The following ANAPC10 variants were observed in gnomAD, a reference collection of about 807,000 sequenced individuals.
ANAPC10 encodes anaphase promoting complex subunit 10, also known as anaphase-promoting complex subunit 10.
A neutral mutation model predicts 22.0 loss-of-function variants in ANAPC10; 12 were observed. The observed-to-expected ratio is 0.55, with a 90% CI of 0.35 to 0.88. The LOEUF is 0.88. ANAPC10 is among the 40% of genes least tolerant of loss of function. The pLI is 0.01. For missense variants in ANAPC10, 188 were observed against 220.9 expected, an observed-to-expected ratio of 0.85 and a Z score of 0.94; for synonymous variants, 65 against 69.5, an observed-to-expected ratio of 0.94 and a Z score of 0.32.
chr4:145,063,488 C>T (rs1305083038), intron 4 of ANAPC10, among the ~76,000 whole-genome samples: 1 of 152,048 alleles, frequency 6.6e-6, no homozygotes, highest in African/African-American at 2.4e-5. Flanking sequence ...TTTAGAGACA[C>T]GGTCTTAATA....
chr4:145,024,042 C>T lies in ANAPC10; in HGVS notation c.328-28439G>A, dbSNP rs139929071. On this transcript the variant is annotated intron_variant, in intron 4 of 4. Transcript: ENST00000507656. The stretch of plus-strand genomic sequence containing the variant: ...TGACAATGTGTTCACAGCATCTTTA[C>T]CAGGAGTAGATTCAACCTCAAGAAA... Among the ~76,000 whole-genome samples the T allele has an allele frequency of 2.3e-4, 35 of 152,296 alleles. No individual in the cohort carries two copies. In the East Asian group the frequency reaches 6.6e-3, roughly 29 times the overall value.
In ANAPC10 at chr4:145,072,442, C is replaced by T. The variant is rs141966160; in HGVS notation, c.207-7750G>A. On this transcript the variant is annotated intron_variant, in intron 3 of 4. Transcript: ENST00000507656. Reference sequence around the variant, plus strand: ...ATGTGAAGAAAAAACATCTAAGGAACCAAATAGTTTAACAAAATATAAACT... The same window carrying T: ...ATGTGAAGAAAAAACATCTAAGGAATCAAATAGTTTAACAAAATATAAACT... Among the ~76,000 whole-genome samples, 4 of 152,198 alleles carry T rather than the reference C, an allele frequency of 2.6e-5. No individual in the cohort carries two copies. In the East Asian group the frequency reaches 7.7e-4, roughly 29 times the overall value.
intron 4 of ANAPC10, among the ~76,000 whole-genome samples, chr4:145,060,595 T>G (rs1742740344): frequency 6.6e-6 from 1 of 151,902 alleles, no homozygotes. Context: ...AAGGAAAATC[T>G]ATTAAAACAT....
At chr4:145,081,593 G>T in intron 3 of ANAPC10, 67 bp downstream of exon 3, 2 of 993,044 alleles carry the variant, frequency 2.0e-6, no homozygotes, top group Non-Finnish European at 3.0e-6. Context: ...TAATTTTTAT[G>T]TTAATAAAAT....
intron 4 of ANAPC10, among the ~76,000 whole-genome samples, chr4:145,036,678 T>C (rs1483439535): frequency 1.3e-5 from 2 of 152,194 alleles, no homozygotes; most frequent in African/African-American, 2.4e-5. Flanking sequence ...ATACATGTTT[T>C]ACTGTAGTAA....
At chr4:145,074,245 T>C (rs1011574459) in intron 3 of ANAPC10, among the ~76,000 whole-genome samples, 3 of 151,866 alleles carry the variant, frequency 2.0e-5, no homozygotes, top group Non-Finnish European at 4.4e-5. Context: ...CTTATTATAT[T>C]TTTTCCTTCC....
At chr4:144,997,500 G>A (rs973032929) in intron 4 of ANAPC10, among the ~76,000 whole-genome samples, 2 of 152,170 alleles carry the variant, frequency 1.3e-5, no homozygotes, top group Non-Finnish European at 2.9e-5. Flanking sequence ...CTTCATAAGT[G>A]AAGGAGAAAT....
chr4:145,093,875 C>T (rs1748085881), intron 2 of ANAPC10, among the ~76,000 whole-genome samples: 1 of 152,060 alleles, frequency 6.6e-6, no homozygotes, highest in Non-Finnish European at 1.5e-5. Context: ...TAATTGGATT[C>T]CCAGATTCTT....
At chr4:145,025,188 G>A (rs551672295) in intron 4 of ANAPC10, among the ~76,000 whole-genome samples, 15 of 152,224 alleles carry the variant, frequency 9.9e-5, no homozygotes, top group African/African-American at 3.6e-4. Context: ...TTTCTATCCA[G>A]AACATTCTTT....
rs189790832 is a variant in ANAPC10, at chr4:144,998,822, A to C, written c.328-3219T>G. On this transcript the variant is annotated intron_variant, in intron 4 of 4. Coordinates refer to ENST00000507656, the MANE Select transcript of ANAPC10 (RefSeq NM_001256706.2). ...AAAAACCTTCAAAAAATCAATGAAT[A>C]CAGGAGCTGGTTTTTTGAAAATATC... Among the ~76,000 whole-genome samples the C allele has an allele frequency of 5.3e-5, 8 of 152,216 alleles. No individual in the cohort carries two copies. The East Asian group carries it at 5.8e-4, about 11-fold the overall frequency.
At chr4:145,013,242 A>C (rs1309345586) in intron 4 of ANAPC10, among the ~76,000 whole-genome samples, 3 of 152,194 alleles carry the variant, frequency 2.0e-5, no homozygotes, top group Non-Finnish European at 2.9e-5. Flanking sequence ...ATAGTATAAG[A>C]AAGAACCTTT....
At chr4:145,079,742 C>A (rs1745690557) in intron 3 of ANAPC10, among the ~76,000 whole-genome samples, 1 of 152,112 alleles carries the variant, frequency 6.6e-6, no homozygotes, top group African/African-American at 2.4e-5. Flanking sequence ...ATGGATGCAG[C>A]TGGAGGCCGG....
intron 3 of ANAPC10, among the ~76,000 whole-genome samples, chr4:145,074,075 G>A (rs7686437): frequency 0.017 from 2,539 of 151,402 alleles, 83 homozygotes; most frequent in African/African-American, 0.057. Context: ...AATTATTAAC[G>A]AATTTTGAAA....
intron 4 of ANAPC10, among the ~76,000 whole-genome samples, chr4:145,005,901 C>G (rs1733267859): frequency 6.6e-6 from 1 of 151,642 alleles, no homozygotes; most frequent in Non-Finnish European, 1.5e-5. Context: ...TAGTATGTGC[C>G]ACATGTAGAT....
At chr4:145,056,009 G>A (rs1021832296) in intron 4 of ANAPC10, among the ~76,000 whole-genome samples, 1 of 152,096 alleles carries the variant, frequency 6.6e-6, no homozygotes, top group African/African-American at 2.4e-5. Context: ...CACAAGCATG[G>A]GTCAATGGCA....
intron 3 of ANAPC10, among the ~76,000 whole-genome samples, chr4:145,080,269 A>T (rs1245579284): frequency 6.6e-6 from 1 of 152,210 alleles, no homozygotes; most frequent in East Asian, 1.9e-4. Context: ...CTGGATGACG[A>T]AATTTGTACA....
chr4:145,017,106 C>A (rs1333747587), intron 4 of ANAPC10, among the ~76,000 whole-genome samples: 4 of 152,070 alleles, frequency 2.6e-5, no homozygotes, highest in African/African-American at 7.2e-5. Context: ...GCAACAAAAG[C>A]CAAAATTGAC....
chr4:145,070,074 T>C (rs1208617200), intron 3 of ANAPC10, among the ~76,000 whole-genome samples: 9 of 152,208 alleles, frequency 5.9e-5, no homozygotes, highest in Admixed American at 2.6e-4. Flanking sequence ...ATATAAAGAT[T>C]TCTGAAGTCC....
intron 3 of ANAPC10, among the ~76,000 whole-genome samples, chr4:145,081,196 A>G (rs897127689): frequency 2.0e-5 from 3 of 151,986 alleles, no homozygotes; most frequent in African/African-American, 7.2e-5. Context: ...AAGCATTATC[A>G]AAAAGGAAAA....
Sources: allele counts gnomAD v4.1 joint callset (sites outside exome capture counted in the v4.1 genomes callset), GRCh38; gene constraint gnomAD v4.1.1; transcripts MANE v1.5; gene names NCBI Gene and HGNC (gene_info 2026-07-23, HGNC 2026-07-21).